The following USP13 variants were observed in gnomAD, a reference collection of about 807,000 sequenced individuals.
USP13 encodes ubiquitin carboxyl-terminal hydrolase 13.
USP13 carries 68 observed loss-of-function variants against 107.8 expected under a neutral mutation model. The observed-to-expected ratio is 0.63, with a 90% CI of 0.52 to 0.77. USP13 has a LOEUF of 0.77. Among genes scored for constraint, USP13 ranks in the 30% least tolerant of loss-of-function variants. The pLI is 0.00. For missense variants in USP13, 945 were observed against 1,093.3 expected, an observed-to-expected ratio of 0.86 and a Z score of 1.91; for synonymous variants, 377 against 389.5, an observed-to-expected ratio of 0.97 and a Z score of 0.38.
intron 3 of USP13, 68 bp from the exon 4 acceptor site, chr3:179,700,940 T>C (rs2108474258): frequency 6.6e-7 from 1 of 1,519,796 alleles, no homozygotes; most frequent in Admixed American, 2.1e-5. Flanking sequence ...GCTTTTCCAG[T>C]GAGTGCTGCC....
At chr3:179,782,344 T>C (rs551330890) in intron 20 of USP13, among the ~76,000 whole-genome samples, 1 of 152,378 alleles carries the variant, frequency 6.6e-6, no homozygotes, top group South Asian at 2.1e-4. Context: ...CTGTGTTTTA[T>C]CTGGCAGCTC....
At chr3:179,660,018 G>A (rs1560039074) in intron 1 of USP13, among the ~76,000 whole-genome samples, 1 of 152,198 alleles carries the variant, frequency 6.6e-6, no homozygotes, top group Non-Finnish European at 1.5e-5. Flanking sequence ...ACTCCAGCCT[G>A]GGCGACAGAG....
intron 13 of USP13, among the ~76,000 whole-genome samples, chr3:179,751,064 G>T (rs1386968037): frequency 3.9e-5 from 6 of 152,144 alleles, no homozygotes; most frequent in Non-Finnish European, 8.8e-5. Flanking sequence ...ATTTTAAAAG[G>T]TATCTGTGAT....
chr3:179,757,002 C>G (rs1426098849), intron 15 of USP13, 50 bp from the exon 16 acceptor site: 1 of 1,603,910 alleles, frequency 6.2e-7, no homozygotes, highest in South Asian at 1.1e-5. Flanking sequence ...TTTTCTAAAA[C>G]TCCTCAACAT....
chr3:179,721,291 T>C lies in USP13; in HGVS notation c.901-111T>C. The C allele has an allele frequency of 8.5e-7, 1 of 1,170,682 alleles. No individual in the cohort carries two copies. The highest frequency in any genetic ancestry group is 1.2e-6 in the Non-Finnish European group (1 of 835,156). 72.5% of individuals were successfully genotyped at this position (1,170,682 alleles called of 1,614,324 possible). Reference sequence around the variant, plus strand: ...TGCATTGTTTATTTCTCTATGTAATTGGGGAAAAAAATGGCAGAAACATCC... The same window carrying C: ...TGCATTGTTTATTTCTCTATGTAATCGGGGAAAAAAATGGCAGAAACATCC... On this transcript the variant is annotated intron_variant, in intron 7 of 20. Coordinates refer to ENST00000263966, the MANE Select transcript of USP13 (RefSeq NM_003940.3). The surrounding 1 kb of genome is among the most constrained non-coding windows in gnomAD (Gnocchi z 4.3).
In USP13 at chr3:179,788,721, C is replaced by T. The variant is rs999432587; in HGVS notation, c.*4580C>T. The T allele has an allele frequency of 1.2e-4, 19 of 152,018 alleles. No homozygotes were observed. Among genetic ancestry groups the T allele is most frequent in the African/African-American group, 4.3e-4 (18 of 41,452 alleles). 9.4% of individuals were successfully genotyped at this position (152,018 alleles called of 1,614,324 possible). On this transcript the variant is annotated 3_prime_UTR_variant, in exon 21 of 21. Transcript: ENST00000263966. ...AACTTCAAATTAGACATGTGGATAA[C>T]GTTATACTTCTATTGGACAGCCCCA...
At chr3:179,702,082 C>G (rs372631258) in intron 4 of USP13, among the ~76,000 whole-genome samples, 1 of 151,956 alleles carries the variant, frequency 6.6e-6, no homozygotes, top group African/African-American at 2.4e-5. Flanking sequence ...TGCCGTGGCG[C>G]GATCTCGGCT....
Position 179,774,766 on chromosome 3 carries a change from C to A in USP13, c.2414-6973C>A, listed in dbSNP as rs187858885. Among the ~76,000 whole-genome samples the A allele has an allele frequency of 3.3e-3, 502 of 152,338 alleles. 4 individuals are homozygous for A. The highest frequency in any genetic ancestry group is 0.011 in the African/African-American group (475 of 41,584). Reference sequence around the variant, plus strand: ...AGCCTGCTTTTATTCCCTTATCTGACCCCACCCACATCCTGCTGATTGGCC... The same window carrying A: ...AGCCTGCTTTTATTCCCTTATCTGAACCCACCCACATCCTGCTGATTGGCC... On this transcript the variant is annotated intron_variant, in intron 19 of 20. Transcript: ENST00000263966.
intron 2 of USP13, among the ~76,000 whole-genome samples, chr3:179,684,201 C>T (rs148070669): frequency 0.052 from 7,944 of 151,682 alleles, 291 homozygotes; most frequent in Non-Finnish European, 0.073. Flanking sequence ...CCTCATGATC[C>T]GCCCCCTTCG....
chr3:179,781,181 G>A lies in USP13; in HGVS notation c.2414-558G>A, dbSNP rs145072842. 4.4e-3 allele frequency among the ~76,000 whole-genome samples: 669 copies of A among 152,276 alleles called. 4 individuals are homozygous for A. Among genetic ancestry groups the A allele is most frequent in the Non-Finnish European group, 7.5e-3 (508 of 68,028 alleles). ...AAGCCTGAAGTTTGGTCCCACCTAC[G>A]TTATAATCATGAGCAAGTGAAAAAT... On this transcript the variant is annotated intron_variant, in intron 19 of 20. Transcript: ENST00000263966.
At position 179,764,083 on chromosome 3, in the gene USP13, A is replaced by G. The variant is rs1213751899; in HGVS notation, c.2174A>G (p.Asp725Gly). 2 of 1,613,868 alleles carry G rather than the reference A, an allele frequency of 1.2e-6. No homozygotes were observed. Among genetic ancestry groups the G allele is most frequent in the Admixed American group, 3.3e-5 (2 of 59,938 alleles). The change falls in exon 18 of 21, where the codon GAT becomes GGT. Residue 725 changes from aspartate to glycine, a missense_variant. Coordinates refer to ENST00000263966, the MANE Select transcript of USP13 (RefSeq NM_003940.3). ...TCTGTTTTTGGTGCTTCTGGACTGG[A>G]TAACCAACCTCCAGAGGAAATCGTA... ...GASVFGASGL[D>G]NQPPEEIVAI...
chr3:179,743,239 C>A (rs986867084), intron 12 of USP13, among the ~76,000 whole-genome samples: 17 of 152,088 alleles, frequency 1.1e-4, no homozygotes, highest in African/African-American at 4.1e-4. Flanking sequence ...ACATCACACA[C>A]TGAGGCCTGT....
chr3:179,726,427 A>G (rs800365), intron 8 of USP13, among the ~76,000 whole-genome samples: 147,862 of 152,316 alleles, frequency 0.97, 71,807 homozygotes, highest in East Asian at 1. Flanking sequence ...CAAAGACAAC[A>G]GGGAAAGAAC....
intron 1 of USP13, among the ~76,000 whole-genome samples, chr3:179,680,216 G>A (rs1413288306): frequency 4.2e-5 from 6 of 143,064 alleles, no homozygotes; most frequent in South Asian, 4.6e-4. Context: ...GAAAGAGAGA[G>A]AGAGAGAAAG....
chr3:179,676,868 C>A (rs1434537761), intron 1 of USP13, among the ~76,000 whole-genome samples: 1 of 152,058 alleles, frequency 6.6e-6, no homozygotes, highest in Non-Finnish European at 1.5e-5. Flanking sequence ...GTGGAACATG[C>A]CTGTTGATGT....
At chr3:179,754,884 T>C (rs1714734904) in intron 15 of USP13, 30 bp downstream of exon 15, 1 of 1,563,586 alleles carries the variant, frequency 6.4e-7, no homozygotes, top group Non-Finnish European at 8.7e-7. Context: ...GAATATGCGC[T>C]ACCCTCCCAC....
chr3:179,739,983 C>T (rs1389263068), intron 10 of USP13, among the ~76,000 whole-genome samples: 1 of 152,144 alleles, frequency 6.6e-6, no homozygotes, highest in Non-Finnish European at 1.5e-5. Flanking sequence ...AAAGTGAGTA[C>T]TTTCTAAAGT....
chr3:179,701,694 A>G (rs867809369), intron 4 of USP13, among the ~76,000 whole-genome samples: 6 of 152,236 alleles, frequency 3.9e-5, no homozygotes, highest in Non-Finnish European at 5.9e-5. Flanking sequence ...TTTACTCCCT[A>G]TGTGAACTAA....
At position 179,653,699 on chromosome 3, in the gene USP13, A is replaced by G. The variant is rs1322666465; in HGVS notation, c.168+306A>G. 1.9e-5 allele frequency: 6 copies of G among 322,280 alleles called. No homozygotes were observed. Among genetic ancestry groups the G allele is most frequent in the Non-Finnish European group, 1.2e-5 (2 of 172,702 alleles). 20.0% of individuals were successfully genotyped at this position (322,280 alleles called of 1,614,324 possible). A position where few individuals can be genotyped will look rare whatever the true frequency, so the allele number is the denominator to read the frequency against. ...TGAAATACAAGAGTTCCCTGTTCCG[A>G]ACTGCACGTTGCAGATCGTTTGCGT... On this transcript the variant is annotated intron_variant, in intron 1 of 20. Coordinates refer to ENST00000263966, the MANE Select transcript of USP13 (RefSeq NM_003940.3). This position sits in a 1 kb window ranked among gnomAD's most constrained non-coding sequence, Gnocchi z 4.0.
Sources: allele counts gnomAD v4.1 joint callset (sites outside exome capture counted in the v4.1 genomes callset), GRCh38; gene constraint gnomAD v4.1.1; non-coding constraint Gnocchi (gnomAD v3.1); transcripts MANE v1.5; gene names NCBI Gene and HGNC (gene_info 2026-07-23, HGNC 2026-07-21).